The following RALGPS2 variants were observed in gnomAD, a reference collection of about 807,000 sequenced individuals.
RALGPS2 encodes ras-specific guanine nucleotide-releasing factor RalGPS2.
A neutral mutation model predicts 86.8 loss-of-function variants in RALGPS2; 43 were observed. The ratio of observed to expected loss-of-function variants is 0.50; its 90% CI spans 0.39 to 0.64. RALGPS2 has a LOEUF of 0.64. Among genes scored for constraint, RALGPS2 ranks in the 30% least tolerant of loss-of-function variants. The pLI, the probability that RALGPS2 is intolerant of heterozygous loss-of-function variation, is 0.00. For missense variants in RALGPS2, 536 were observed against 694.6 expected, an observed-to-expected ratio of 0.77 and a Z score of 2.57; for synonymous variants, 243 against 231.3, an observed-to-expected ratio of 1.05 and a Z score of -0.46.
At chr1:178,746,386 A>G (rs1164273842) in intron 1 of RALGPS2, among the ~76,000 whole-genome samples, 1 of 152,226 alleles carries the variant, frequency 6.6e-6, no homozygotes, top group East Asian at 1.9e-4. Flanking sequence ...GTATAAAAAT[A>G]CAGTAGGAAT....
chr1:178,857,442 G>T (rs1334680088), intron 8 of RALGPS2, among the ~76,000 whole-genome samples: 1 of 152,080 alleles, frequency 6.6e-6, no homozygotes, highest in Non-Finnish European at 1.5e-5. Flanking sequence ...TCAAGTGGGG[G>T]GTGGGAGAAG....
intron 4 of RALGPS2, among the ~76,000 whole-genome samples, chr1:178,788,456 G>A (rs1309601541): frequency 2.0e-5 from 3 of 152,230 alleles, no homozygotes; most frequent in Non-Finnish European, 4.4e-5. Flanking sequence ...AGAATAGGAA[G>A]TGTGAGGGTA....
intron 1 of RALGPS2, chr1:178,753,526 A>T (rs1049078260): frequency 5.3e-5 from 8 of 152,144 alleles, no homozygotes; most frequent in African/African-American, 1.9e-4. Context: ...TCCTCGGCTC[A>T]TTTTGTCTCA....
Position 178,821,592 on chromosome 1 carries a change from A to G in RALGPS2, c.388-20A>G, listed in dbSNP as rs1458860327. 3.2e-6 allele frequency: 5 copies of G among 1,582,592 alleles called. No homozygotes were observed. Among genetic ancestry groups the G allele is most frequent in the Non-Finnish European group, 4.3e-6 (5 of 1,159,144 alleles). On this transcript the variant is annotated intron_variant, in intron 6 of 19. Transcript: ENST00000367635. ...TTGTTCTTTTTCATCCCTCTCCCCC[A>G]TTTTTTTTCAAATCTTCAGAAACTG...
chr1:178,879,954 T>G (rs1329573121), intron 10 of RALGPS2, among the ~76,000 whole-genome samples: 2 of 151,004 alleles, frequency 1.3e-5, no homozygotes, highest in Non-Finnish European at 3.0e-5. Flanking sequence ...AACTGCTGGG[T>G]TTTTTTTTAA....
At chr1:178,806,676 G>T (rs1344432490) in intron 4 of RALGPS2, among the ~76,000 whole-genome samples, 1 of 151,866 alleles carries the variant, frequency 6.6e-6, no homozygotes, top group African/African-American at 2.4e-5. Context: ...TTTGCTTAGT[G>T]GGTACAATGT....
At chr1:178,794,378 T>C (rs554861591) in intron 4 of RALGPS2, among the ~76,000 whole-genome samples, 5 of 152,280 alleles carry the variant, frequency 3.3e-5, no homozygotes, top group African/African-American at 9.6e-5. Context: ...CCTCCCAAAG[T>C]GCTGGGATTA....
In RALGPS2 at chr1:178,861,958, C is replaced by T. The variant is rs187843149; in HGVS notation, c.608-15540C>T. On this transcript the variant is annotated intron_variant, in intron 8 of 19. Coordinates refer to ENST00000367635, the MANE Select transcript of RALGPS2 (RefSeq NM_152663.5). ...TGCGATCTCGGCTCACTGCAACCTC[C>T]GCCCCCCAGGTTCAAGTGATTCTCC... 3.7e-3 allele frequency among the ~76,000 whole-genome samples: 555 copies of T among 151,834 alleles called. 5 individuals are homozygous for T. Among genetic ancestry groups the T allele is most frequent in the African/African-American group, 0.012 (503 of 41,282 alleles).
chr1:178,827,355 T>TAGAGCAA (rs1655792833), intron 7 of RALGPS2, among the ~76,000 whole-genome samples: 1 of 151,918 alleles, frequency 6.6e-6, no homozygotes, highest in Admixed American at 6.6e-5. Flanking sequence ...CAAAGCAATC[T>TAGAGCAA]TGAGCAACAA....
At chr1:178,744,347 A>G (rs1651191424) in intron 1 of RALGPS2, among the ~76,000 whole-genome samples, 1 of 152,192 alleles carries the variant, frequency 6.6e-6, no homozygotes, top group Non-Finnish European at 1.5e-5. Flanking sequence ...TAGAAAGGAA[A>G]TTCTTCAGCC....
chr1:178,885,002 A>C, intron 11 of RALGPS2, 74 bp from the exon 12 acceptor site: 1 of 1,426,618 alleles, frequency 7.0e-7, no homozygotes, highest in Admixed American at 2.6e-5. Flanking sequence ...AATTTGAACC[A>C]CATTTAATAT....
At chr1:178,800,609 A>C (rs1654423417) in intron 4 of RALGPS2, among the ~76,000 whole-genome samples, 1 of 152,234 alleles carries the variant, frequency 6.6e-6, no homozygotes, top group Non-Finnish European at 1.5e-5. Flanking sequence ...TACAAAATAC[A>C]TGTTAATCAC....
At chr1:178,857,763 A>G (rs1344129799) in intron 8 of RALGPS2, among the ~76,000 whole-genome samples, 1 of 152,178 alleles carries the variant, frequency 6.6e-6, no homozygotes, top group Non-Finnish European at 1.5e-5. Flanking sequence ...ATTTAAGTAT[A>G]TATTCAAAGG....
At chr1:178,817,391 C>T (rs573510597) in intron 6 of RALGPS2, among the ~76,000 whole-genome samples, 2 of 149,248 alleles carry the variant, frequency 1.3e-5, no homozygotes, top group South Asian at 4.3e-4. Flanking sequence ...ATTGTGCTAA[C>T]TCCATTCTTT....
chr1:178,851,770 C>G (rs1285597513), intron 8 of RALGPS2, among the ~76,000 whole-genome samples: 1 of 152,116 alleles, frequency 6.6e-6, no homozygotes, highest in Non-Finnish European at 1.5e-5. Flanking sequence ...TGGTCTATCT[C>G]TCCTCTTTTC....
intron 8 of RALGPS2, chr1:178,852,548 G>A: frequency 1.3e-6 from 1 of 789,504 alleles, no homozygotes; most frequent in Non-Finnish European, 1.9e-6. Flanking sequence ...TCTTTCAGTA[G>A]GTTGGTTGTA....
At chr1:178,770,732 C>T (rs1449392910) in intron 1 of RALGPS2, among the ~76,000 whole-genome samples, 2 of 151,774 alleles carry the variant, frequency 1.3e-5, no homozygotes, top group African/African-American at 4.8e-5. Flanking sequence ...CCACTTCAGC[C>T]TCCCAAAGTG....
At chr1:178,815,770 A>G (rs1032715326) in intron 6 of RALGPS2, among the ~76,000 whole-genome samples, 4 of 152,104 alleles carry the variant, frequency 2.6e-5, no homozygotes, top group Admixed American at 6.5e-5. Flanking sequence ...TTTCCTCCAT[A>G]TTGCCCTGCC....
chr1:178,802,195 TATATA>T (rs1299176208), intron 4 of RALGPS2, among the ~76,000 whole-genome samples: 3 of 151,072 alleles, frequency 2.0e-5, no homozygotes, highest in African/African-American at 7.3e-5. Flanking sequence ...TTATATATAT[TATATA>T]ATATATTCTT....
Sources: allele counts gnomAD v4.1 joint callset (sites outside exome capture counted in the v4.1 genomes callset), GRCh38; gene constraint gnomAD v4.1.1; transcripts MANE v1.5; gene names NCBI Gene and HGNC (gene_info 2026-07-23, HGNC 2026-07-21).